L3MBTL4: variants seen among roughly 807,000 people sequenced by gnomAD.
L3MBTL4 encodes the protein L3MBTL histone methyl-lysine binding protein 4.
L3MBTL4 carries 70 observed loss-of-function variants against 84.5 expected under a neutral mutation model. The observed-to-expected ratio is 0.83, with a 90% CI of 0.68 to 1.01. The LOEUF is 1.01. Among genes scored for constraint, L3MBTL4 ranks in the 50% least tolerant of loss-of-function variants. The pLI is 0.00. For missense variants in L3MBTL4, 715 were observed against 754.8 expected (o/e 0.95, Z 0.62); for synonymous variants, 274 against 259.8 (o/e 1.05, Z -0.52).
At chr18:6,226,379 C>A (rs2046783783) in intron 10 of L3MBTL4, among the ~76,000 whole-genome samples, 1 of 152,070 alleles carries the variant, frequency 6.6e-6, no homozygotes, top group Non-Finnish European at 1.5e-5. Context: ...GCACTCCAGA[C>A]TGAGGAACAG....
chr18:6,005,375 G>T (rs1266401745), intron 16 of L3MBTL4, among the ~76,000 whole-genome samples: 1 of 136,130 alleles, frequency 7.3e-6, no homozygotes. Context: ...GCACATGTAC[G>T]GGTTTGTTAT....
At chr18:6,131,702 C>T (rs1387742461) in intron 14 of L3MBTL4, among the ~76,000 whole-genome samples, 1 of 152,066 alleles carries the variant, frequency 6.6e-6, no homozygotes, top group African/African-American at 2.4e-5. Flanking sequence ...ATAATGATAA[C>T]CTCAGGTGTT....
chr18:6,243,479 G>A (rs1280115852), intron 6 of L3MBTL4, 50 bp from the exon 7 acceptor site: 1 of 1,466,622 alleles, frequency 6.8e-7, no homozygotes, highest in African/African-American at 1.4e-5. Context: ...TATATTTGGA[G>A]TAGACACAAA....
intron 12 of L3MBTL4, among the ~76,000 whole-genome samples, chr18:6,205,452 T>C (rs1190838951): frequency 6.6e-6 from 1 of 152,244 alleles, no homozygotes; most frequent in South Asian, 2.1e-4. Flanking sequence ...GATACATGTA[T>C]ATAACATGAA....
intron 1 of L3MBTL4, among the ~76,000 whole-genome samples, chr18:6,330,914 C>T (rs1464778073): frequency 6.6e-6 from 1 of 152,066 alleles, no homozygotes; most frequent in Non-Finnish European, 1.5e-5. Flanking sequence ...TAGTTATTTT[C>T]CACTTGGTGC....
rs181705920 is a variant in L3MBTL4 at position 6,359,355 on chromosome 18, G to A, written c.-90-47299C>T. Among the ~76,000 whole-genome samples the A allele has an allele frequency of 5.9e-5, 9 of 152,234 alleles. No homozygotes were observed. The East Asian group carries it at 1.7e-3, about 29-fold the overall frequency. The stretch of plus-strand genomic sequence containing the variant: ...AGCTATTTGGGAGGCTGAGGCAGGA[G>A]AATGGCTTGAATCCGGGAGGCAGAG... On this transcript the variant is annotated intron_variant, in intron 1 of 18. Coordinates refer to ENST00000317931, the MANE Select transcript of L3MBTL4 (RefSeq NM_001330559.2).
chr18:6,172,272 G>A (rs990030981), intron 12 of L3MBTL4, among the ~76,000 whole-genome samples: 3 of 152,118 alleles, frequency 2.0e-5, no homozygotes, highest in African/African-American at 4.8e-5. Context: ...TGTCCTGAGC[G>A]ACTGTCCTAT....
chr18:6,138,879 C>G (rs1195628971), intron 13 of L3MBTL4, among the ~76,000 whole-genome samples: 2 of 152,124 alleles, frequency 1.3e-5, no homozygotes, highest in Admixed American at 6.5e-5. Context: ...TTATTTCTTT[C>G]AGAGATTAAT....
intron 16 of L3MBTL4, among the ~76,000 whole-genome samples, chr18:6,043,128 C>T (rs1435541375): frequency 2.0e-5 from 3 of 152,090 alleles, no homozygotes; most frequent in Admixed American, 6.6e-5. Context: ...TGAATGTATC[C>T]TCTTCATCTT....
chr18:5,958,142 GAAGAAGAAGAAGAAGAAC>G (rs1567912107), intron 18 of L3MBTL4, among the ~76,000 whole-genome samples: 74 of 61,164 alleles, frequency 1.2e-3, no homozygotes, highest in East Asian at 7.9e-3. Flanking sequence ...AGAAGAAGAA[GAAGAAGAAGAAGAAGAAC>G]AAGAAGAAGA....
rs756664640 is a variant in L3MBTL4, at chr18:6,239,699, A to T, written c.707+19T>A. 1.2e-6 allele frequency: 2 copies of T among 1,608,664 alleles called. No individual in the cohort carries two copies. The highest frequency in any genetic ancestry group is 1.7e-6 in the Non-Finnish European group (2 of 1,177,794). ...AAACATATGAATACACAAAAATAAAACACACATTCATATCTCACCAGTAAT... is the reference window on the plus strand; with the variant it reads ...AAACATATGAATACACAAAAATAAATCACACATTCATATCTCACCAGTAAT... On this transcript the variant is annotated intron_variant, in intron 9 of 18. Transcript: ENST00000317931.
At chr18:6,185,509 C>G (rs534495365) in intron 12 of L3MBTL4, among the ~76,000 whole-genome samples, 1 of 152,222 alleles carries the variant, frequency 6.6e-6, no homozygotes, top group East Asian at 1.9e-4. Context: ...GAAGTCCCAC[C>G]GGAGGGTGGT....
At chr18:6,188,586 A>T (rs942208842) in intron 12 of L3MBTL4, among the ~76,000 whole-genome samples, 3 of 152,226 alleles carry the variant, frequency 2.0e-5, no homozygotes, top group African/African-American at 7.2e-5. Context: ...CACTTCCTCC[A>T]GCTCAGGGGC....
intron 8 of L3MBTL4, among the ~76,000 whole-genome samples, chr18:6,240,546 A>G (rs757564668): frequency 5.3e-5 from 8 of 152,060 alleles, no homozygotes; most frequent in African/African-American, 1.2e-4. Context: ...CACCCTTCAT[A>G]TATCTATAAT....
intron 16 of L3MBTL4, among the ~76,000 whole-genome samples, chr18:6,058,808 C>A (rs1349885505): frequency 6.6e-6 from 1 of 152,182 alleles, no homozygotes; most frequent in African/African-American, 2.4e-5. Context: ...AGCCAACATG[C>A]ATGTTAATCT....
At chr18:6,306,770 A>G (rs1044257701) in intron 3 of L3MBTL4, among the ~76,000 whole-genome samples, 45 of 152,194 alleles carry the variant, frequency 3.0e-4, no homozygotes, top group African/African-American at 1.1e-3. Flanking sequence ...ACTTACTGAA[A>G]TGGAAAGACC....
chr18:6,372,785 T>C (rs943531329), intron 1 of L3MBTL4, among the ~76,000 whole-genome samples: 2 of 152,218 alleles, frequency 1.3e-5, no homozygotes, highest in Non-Finnish European at 2.9e-5. Flanking sequence ...GTTTTCTTTG[T>C]GATCATTTTT....
At chr18:5,968,289 CT>C (rs2052452902) in intron 17 of L3MBTL4, among the ~76,000 whole-genome samples, 1 of 152,232 alleles carries the variant, frequency 6.6e-6, no homozygotes, top group Non-Finnish European at 1.5e-5. Context: ...AAAACAGTAT[CT>C]TTATCCAAAG....
At position 6,213,239 on chromosome 18, in the gene L3MBTL4, C is replaced by A; in HGVS notation, c.891G>T (p.Leu297=). ...VFKMRLPHGF[L]PNMKLEVVDK... The stretch of plus-strand genomic sequence containing the variant: ...CCACAACTTCAAGTTTCATATTTGG[C>A]AGAAAACCATGAGGCAACCTCTGTA... Residue 297 remains leucine, a synonymous_variant, in exon 12 of 19, where the codon CTG becomes CTT. Coordinates refer to ENST00000317931, the MANE Select transcript of L3MBTL4 (RefSeq NM_001330559.2). 1 of 1,607,794 alleles carries A rather than the reference C, an allele frequency of 6.2e-7. No individual in the cohort carries two copies. The highest frequency in any genetic ancestry group is 1.1e-5 in the South Asian group (1 of 89,458).
Sources: gnomAD v4.1 joint callset for allele counts (sites outside exome capture counted in the v4.1 genomes callset) on GRCh38, gnomAD v4.1.1 for gene constraint, MANE v1.5 for transcripts, NCBI Gene and HGNC (gene_info 2026-07-23, HGNC 2026-07-21) for gene names.